Variants in AUTS2 observed in about 807,000 individuals in gnomAD.
AUTS2 encodes autism susceptibility gene 2 protein.
AUTS2 carries 17 observed loss-of-function variants against 112.4 expected under a neutral mutation model. The observed-to-expected ratio is 0.15, with a 90% CI of 0.10 to 0.23. The LOEUF (loss-of-function observed/expected upper bound fraction) is 0.23. Ranked by LOEUF, AUTS2 falls within the 10% of genes least tolerant of loss-of-function variation. The pLI is 1.00. For synonymous variants in AUTS2, 751 were observed against 702.7 expected (o/e 1.07, Z -1.09); for missense variants, 1,510 against 1,701.6 (o/e 0.89, Z 1.98).
chr7:70,516,362 G>A (rs1052603565), intron 5 of AUTS2, among the ~76,000 whole-genome samples: 4 of 152,188 alleles, frequency 2.6e-5, no homozygotes, highest in African/African-American at 9.7e-5. Context: ...CCAGCAAAGA[G>A]AGGGAAAAAT....
intron 2 of AUTS2, among the ~76,000 whole-genome samples, chr7:70,037,928 G>T (rs892027437): frequency 6.6e-6 from 1 of 151,720 alleles, no homozygotes; most frequent in Non-Finnish European, 1.5e-5. Flanking sequence ...TTCTGCTTTC[G>T]AGAACTTAAC....
chr7:70,083,721 A>G (rs1011793523), intron 2 of AUTS2, among the ~76,000 whole-genome samples: 1 of 152,182 alleles, frequency 6.6e-6, no homozygotes, highest in Non-Finnish European at 1.5e-5. Flanking sequence ...CTGAGGAAGC[A>G]GAATCACTTG....
At chr7:70,756,645 A>G (rs1789229569) in intron 6 of AUTS2, among the ~76,000 whole-genome samples, 1 of 152,184 alleles carries the variant, frequency 6.6e-6, no homozygotes, top group African/African-American at 2.4e-5. Flanking sequence ...TTGACTTTAT[A>G]TCTAGAATGG....
At chr7:70,628,356 T>C (rs1007148649) in intron 5 of AUTS2, among the ~76,000 whole-genome samples, 2 of 6,362 alleles carry the variant, frequency 3.1e-4, no homozygotes, top group African/African-American at 9.1e-4. Context: ...TATATATATG[T>C]ATATATATAT....
chr7:69,628,066 G>A (rs1367373011), intron 1 of AUTS2, among the ~76,000 whole-genome samples: 1 of 152,116 alleles, frequency 6.6e-6, no homozygotes, highest in Non-Finnish European at 1.5e-5. Flanking sequence ...TATAATGCCT[G>A]CAGTAATGTG....
At chr7:70,709,074 C>T (rs965258947) in intron 6 of AUTS2, among the ~76,000 whole-genome samples, 7 of 151,808 alleles carry the variant, frequency 4.6e-5, no homozygotes, top group Admixed American at 6.6e-5. Flanking sequence ...CCCGCCACCA[C>T]GCCTCGCTAA....
At chr7:70,787,673 G>A (rs1350732300) in intron 18 of AUTS2, among the ~76,000 whole-genome samples, 1 of 152,134 alleles carries the variant, frequency 6.6e-6, no homozygotes, top group Admixed American at 6.6e-5. Context: ...TTATACATCA[G>A]CACGTCCCAA....
chr7:69,749,609 G>C (rs925803251), intron 1 of AUTS2, among the ~76,000 whole-genome samples: 4 of 152,184 alleles, frequency 2.6e-5, no homozygotes, highest in Non-Finnish European at 2.9e-5. Context: ...GGAAGCAGCT[G>C]CTGCAGCCAG....
chr7:70,088,091 T>C (rs1014821385), intron 2 of AUTS2, among the ~76,000 whole-genome samples: 1 of 152,048 alleles, frequency 6.6e-6, no homozygotes. Context: ...TTATCGGTCT[T>C]CTCAAAGAAC....
chr7:69,967,306 T>C (rs976015409), intron 2 of AUTS2, among the ~76,000 whole-genome samples: 2 of 133,486 alleles, frequency 1.5e-5, no homozygotes, highest in African/African-American at 6.2e-5. Context: ...AAGGTTGTCC[T>C]TCTGGGAGGT....
chr7:70,353,427 A>G (rs1376994449), intron 4 of AUTS2, among the ~76,000 whole-genome samples: 2 of 152,086 alleles, frequency 1.3e-5, no homozygotes, highest in African/African-American at 2.4e-5. Flanking sequence ...CATTTTACTC[A>G]AGAGAAGATT....
In AUTS2 at chr7:69,811,936, T is replaced by C. The variant is rs76807425; in HGVS notation, c.310-87350T>C. On this transcript the variant is annotated intron_variant, in intron 1 of 18. Transcript: ENST00000342771. ...GCAGTAGGGGTTTGGTAAATACTGC[T>C]TGAATCAATGCATGAATGAAATTGC... is the stretch of plus-strand genomic sequence containing the variant. 6.4e-3 allele frequency among the ~76,000 whole-genome samples: 972 copies of C among 152,352 alleles called. 5 individuals are homozygous for C. The highest frequency in any genetic ancestry group is 0.017 in the Middle Eastern group (5 of 294).
At chr7:69,769,792 A>G (rs930613075) in intron 1 of AUTS2, among the ~76,000 whole-genome samples, 1 of 152,238 alleles carries the variant, frequency 6.6e-6, no homozygotes, top group Non-Finnish European at 1.5e-5. Context: ...AGATAAAGAA[A>G]TTGCATTAGG....
At chr7:69,842,458 A>C (rs1361736123) in intron 1 of AUTS2, among the ~76,000 whole-genome samples, 1 of 152,176 alleles carries the variant, frequency 6.6e-6, no homozygotes, top group East Asian at 1.9e-4. Context: ...GTTTTTGAGA[A>C]ACATCTGAAG....
intron 5 of AUTS2, chr7:70,695,114 G>C (rs1047643694): frequency 6.6e-6 from 1 of 152,398 alleles, no homozygotes; most frequent in African/African-American, 2.4e-5. Context: ...GGCCGGATCG[G>C]GGGTCTTTTG....
At chr7:70,070,227 C>G (rs180720123) in intron 2 of AUTS2, among the ~76,000 whole-genome samples, 4 of 152,044 alleles carry the variant, frequency 2.6e-5, no homozygotes, top group African/African-American at 9.6e-5. Context: ...TGGTGGCACT[C>G]TGGGGATATT....
chr7:70,470,877 A>G (rs1372114565), intron 5 of AUTS2, among the ~76,000 whole-genome samples: 3 of 152,142 alleles, frequency 2.0e-5, no homozygotes, highest in Admixed American at 6.5e-5. Flanking sequence ...AATAAAAGCC[A>G]TGGGGATCTG....
At chr7:70,335,177 T>C (rs993740266) in intron 4 of AUTS2, among the ~76,000 whole-genome samples, 14 of 152,182 alleles carry the variant, frequency 9.2e-5, no homozygotes, top group African/African-American at 3.4e-4. Context: ...CATGTGTTCC[T>C]TTCTGTCTTT....
intron 1 of AUTS2, among the ~76,000 whole-genome samples, chr7:69,689,872 A>T (rs1246712058): frequency 1.5e-5 from 2 of 136,832 alleles, no homozygotes; most frequent in African/African-American, 5.6e-5. Flanking sequence ...TTTTTTCAGT[A>T]GAGATGGGGT....
Sources: gnomAD v4.1 joint callset for allele counts (sites outside exome capture counted in the v4.1 genomes callset) on GRCh38, gnomAD v4.1.1 for gene constraint, MANE v1.5 for transcripts, NCBI Gene and HGNC (gene_info 2026-07-23, HGNC 2026-07-21) for gene names.